EEA1: variants seen among roughly 807,000 people sequenced by gnomAD.
EEA1 encodes early endosome antigen 1.
In EEA1, 111 loss-of-function variants were observed where a neutral mutation model predicts 209.2. That is an observed-to-expected ratio of 0.53 (90% CI 0.45 to 0.62). The LOEUF is 0.62. EEA1 is among the 20% of genes least tolerant of loss of function. The pLI is 0.00. For synonymous variants in EEA1, 536 were observed against 540.6 expected, an observed-to-expected ratio of 0.99 and a Z score of 0.12; for missense variants, 1,343 against 1,530.8, an observed-to-expected ratio of 0.88 and a Z score of 2.05.
intron 9 of EEA1, 97 bp downstream of exon 9, chr12:92,851,014 T>C (rs1198652072): frequency 1.8e-6 from 2 of 1,138,652 alleles, no homozygotes; most frequent in Non-Finnish European, 2.4e-6. Flanking sequence ...AATATTTTGA[T>C]AGGCCACTCA....
intron 1 of EEA1, among the ~76,000 whole-genome samples, chr12:92,902,758 A>AAG (rs774277565): frequency 1.4e-4 from 20 of 148,148 alleles, no homozygotes; most frequent in South Asian, 4.3e-4. Flanking sequence ...AAAAAAAAAA[A>AAG]GGCTGTAAAT....
chr12:92,866,945 A>C (rs918859880), intron 2 of EEA1, among the ~76,000 whole-genome samples: 1 of 152,090 alleles, frequency 6.6e-6, no homozygotes, highest in Admixed American at 6.6e-5. Flanking sequence ...CTCCATCCTC[A>C]TTGCAGCTGC....
intron 1 of EEA1, among the ~76,000 whole-genome samples, chr12:92,922,259 A>G (rs1157362897): frequency 1.3e-5 from 2 of 152,026 alleles, no homozygotes; most frequent in African/African-American, 2.4e-5. Context: ...TTCCTCCTCT[A>G]CCCTTAATCT....
intron 10 of EEA1, among the ~76,000 whole-genome samples, chr12:92,835,215 G>T (rs530708428): frequency 4.0e-5 from 6 of 151,894 alleles, no homozygotes; most frequent in Non-Finnish European, 7.4e-5. Flanking sequence ...AGAATTCTAA[G>T]TTACTGAATT....
At chr12:92,842,116 C>G (rs550121152) in intron 10 of EEA1, among the ~76,000 whole-genome samples, 1 of 152,024 alleles carries the variant, frequency 6.6e-6, no homozygotes, top group South Asian at 2.1e-4. Flanking sequence ...GATGTAGTAA[C>G]CCAAAGTTGA....
rs749012274 is a variant in EEA1 at position 92,780,340 on chromosome 12, T to C, written c.3408A>G (p.Gln1136=). ...LAEIEEIKCR[Q]EKEITKLNEE... Reference sequence around the variant, plus strand: ...CGTTTAGTTTAGTGATTTCTTTTTCTTGTCTACATTTAATTTCTTCTATCT... The same window carrying C: ...CGTTTAGTTTAGTGATTTCTTTTTCCTGTCTACATTTAATTTCTTCTATCT... Residue 1136 remains glutamine (Q), a synonymous_variant, in exon 24 of 29, where the codon CAA becomes CAG. Coordinates refer to ENST00000322349, the MANE Select transcript of EEA1 (RefSeq NM_003566.4). 3.7e-6 allele frequency: 6 copies of C among 1,603,226 alleles called. No individual in the cohort carries two copies. The African/African-American group carries it at 6.7e-5, about 18-fold the overall frequency.
intron 13 of EEA1, among the ~76,000 whole-genome samples, chr12:92,822,401 T>C (rs1178276672): frequency 1.3e-5 from 2 of 152,210 alleles, no homozygotes; most frequent in Non-Finnish European, 2.9e-5. Context: ...GATTTTCATC[T>C]CTATTACTTT....
intron 11 of EEA1, 136 bp from the exon 12 acceptor site, chr12:92,828,197 A>G: frequency 1.7e-6 from 1 of 576,740 alleles, no homozygotes; most frequent in South Asian, 7.1e-5. Context: ...GGGGAAACCT[A>G]AGATTTTATA....
At chr12:92,878,705 A>C (rs543038156) in intron 2 of EEA1, among the ~76,000 whole-genome samples, 5 of 152,296 alleles carry the variant, frequency 3.3e-5, no homozygotes, top group African/African-American at 1.2e-4. Context: ...ACAAAGTCAA[A>C]AGTTGGCTAC....
chr12:92,818,508 T>G (rs916812159), intron 14 of EEA1, among the ~76,000 whole-genome samples: 13 of 152,194 alleles, frequency 8.5e-5, no homozygotes, highest in Admixed American at 2.6e-4. Flanking sequence ...TTAAAATGAA[T>G]GCAGGGCTTC....
chr12:92,892,140 G>GA (rs1879676589), intron 1 of EEA1, among the ~76,000 whole-genome samples: 1 of 152,128 alleles, frequency 6.6e-6, no homozygotes, highest in Admixed American at 6.6e-5. Context: ...ACCCAGGCTG[G>GA]AGTGCAGTGG....
intron 21 of EEA1, among the ~76,000 whole-genome samples, chr12:92,796,497 T>C (rs1452584761): frequency 6.6e-6 from 1 of 151,890 alleles, no homozygotes. Flanking sequence ...TGTAAGTGCA[T>C]TATGACCTTC....
intron 16 of EEA1, among the ~76,000 whole-genome samples, chr12:92,812,574 A>G (rs1357065401): frequency 6.6e-6 from 1 of 152,122 alleles, no homozygotes; most frequent in African/African-American, 2.4e-5. Context: ...TCCTGTTTCC[A>G]AGTGGCAAGT....
chr12:92,837,525 CTG>C (rs1592729323), intron 10 of EEA1, among the ~76,000 whole-genome samples: 1 of 152,206 alleles, frequency 6.6e-6, no homozygotes, highest in South Asian at 2.1e-4. Context: ...AAAAAAATCT[CTG>C]TCTCTTCCAA....
intron 22 of EEA1, among the ~76,000 whole-genome samples, chr12:92,783,581 T>C (rs1010666632): frequency 8.5e-5 from 13 of 152,342 alleles, no homozygotes; most frequent in Middle Eastern, 3.4e-3. Context: ...GAAGTAGTGA[T>C]TGTCATTTAA....
At chr12:92,925,376 G>A (rs1383011141) in intron 1 of EEA1, among the ~76,000 whole-genome samples, 3 of 152,050 alleles carry the variant, frequency 2.0e-5, no homozygotes, top group Non-Finnish European at 2.9e-5. Context: ...CACGATGCCC[G>A]GCTAATTTTT....
At chr12:92,808,105 A>G (rs905890698) in intron 18 of EEA1, among the ~76,000 whole-genome samples, 3 of 152,134 alleles carry the variant, frequency 2.0e-5, no homozygotes, top group African/African-American at 7.2e-5. Context: ...TACATTTATG[A>G]CTTTCAATAT....
At chr12:92,896,496 A>T (rs2136760039) in intron 1 of EEA1, among the ~76,000 whole-genome samples, 1 of 152,342 alleles carries the variant, frequency 6.6e-6, no homozygotes. Flanking sequence ...TACTGTGGGT[A>T]AGATGCTATC....
intron 24 of EEA1, among the ~76,000 whole-genome samples, chr12:92,779,679 A>G (rs752030197): frequency 4.0e-5 from 6 of 151,140 alleles, no homozygotes; most frequent in Admixed American, 2.0e-4. Context: ...AGGAAGTCAC[A>G]TTCTAGAGGA....
Sources: allele counts gnomAD v4.1 joint callset (sites outside exome capture counted in the v4.1 genomes callset), GRCh38; gene constraint gnomAD v4.1.1; transcripts MANE v1.5; gene names NCBI Gene and HGNC (gene_info 2026-07-23, HGNC 2026-07-21).